The following XKR9 variants were observed in gnomAD, a reference collection of about 807,000 sequenced individuals.
XKR9 encodes the protein XK related 9.
XKR9 carries 32 observed loss-of-function variants against 32.0 expected under a neutral mutation model. The ratio of observed to expected loss-of-function variants is 1.00; its 90% CI spans 0.76 to 1.34. The LOEUF is 1.34. XKR9 is among the 40% of genes most tolerant of loss of function. The probability of loss-of-function intolerance (pLI) is 0.00; values close to 1 mark genes in which losing one functional copy is unlikely to be tolerated. For missense variants in XKR9, 546 were observed against 429.7 expected (o/e 1.27, Z -2.39); for synonymous variants, 168 against 143.4 (o/e 1.17, Z -1.22).
the XKR9 span, among the ~76,000 whole-genome samples, chr8:70,801,437 G>T: frequency 6.6e-6 from 1 of 152,182 alleles, no homozygotes; most frequent in Non-Finnish European, 1.5e-5. Flanking sequence ...AGTCATTCAG[G>T]AGCAGGTTGT....
chr8:70,799,917 A>G, the XKR9 span, among the ~76,000 whole-genome samples: 3 of 152,166 alleles, frequency 2.0e-5, no homozygotes, highest in East Asian at 3.9e-4. Context: ...GAGTGGTGAA[A>G]GAGGACATCC....
the XKR9 span, among the ~76,000 whole-genome samples, chr8:70,814,332 A>G: frequency 6.6e-6 from 1 of 152,104 alleles, no homozygotes; most frequent in African/African-American, 2.4e-5. Context: ...TAGGAGATAT[A>G]CCTAATGCTA....
At chr8:71,057,498 T>C in the XKR9 span, among the ~76,000 whole-genome samples, 1 of 152,200 alleles carries the variant, frequency 6.6e-6, no homozygotes, top group Non-Finnish European at 1.5e-5. Flanking sequence ...TTGTAGTACT[T>C]TGTTTTTTCA....
the XKR9 span, among the ~76,000 whole-genome samples, chr8:70,866,866 A>G: frequency 6.6e-6 from 1 of 152,204 alleles, no homozygotes; most frequent in Non-Finnish European, 1.5e-5. Context: ...CACTTTTCAT[A>G]AATTATTTTT....
At chr8:70,808,860 C>T in the XKR9 span, among the ~76,000 whole-genome samples, 2 of 152,240 alleles carry the variant, frequency 1.3e-5, no homozygotes, top group African/African-American at 4.8e-5. Context: ...GTAGACTCCA[C>T]CACTGGGGGC....
downstream of XKR9, among the ~76,000 whole-genome samples, chr8:70,736,295 GC>G (rs1806860882): frequency 1.4e-5 from 2 of 147,714 alleles, no homozygotes; most frequent in Non-Finnish European, 3.0e-5. Context: ...CATGTCCTTC[GC>G]CCACTTTTTG....
chr8:71,013,598 A>G, the XKR9 span, among the ~76,000 whole-genome samples: 1 of 152,184 alleles, frequency 6.6e-6, no homozygotes, highest in Admixed American at 6.5e-5. Context: ...GACCAGCAAA[A>G]TTAATTGGCA....
chr8:70,746,023 A>G (rs1807054045), intron 2 of XKR9, among the ~76,000 whole-genome samples: 1 of 152,118 alleles, frequency 6.6e-6, no homozygotes, highest in African/African-American at 2.4e-5. Context: ...AAGAGGCTAT[A>G]TTTTGATATT....
intron 3 of XKR9, among the ~76,000 whole-genome samples, chr8:70,692,666 C>T (rs1425363300): frequency 1.3e-5 from 2 of 152,086 alleles, no homozygotes; most frequent in Admixed American, 1.3e-4. Context: ...GCAACCTCCA[C>T]CTCCCAGGTT....
At chr8:71,050,977 A>G in the XKR9 span, among the ~76,000 whole-genome samples, 4 of 152,282 alleles carry the variant, frequency 2.6e-5, no homozygotes, top group Admixed American at 2.0e-4. Context: ...AGACAATGAT[A>G]GGGAAGAACT....
chr8:70,706,884 G>T, intron 3 of XKR9, 49 bp from the exon 4 acceptor site: 1 of 1,456,240 alleles, frequency 6.9e-7, no homozygotes, highest in Non-Finnish European at 9.4e-7. Context: ...TAACAGACAT[G>T]TTACAAAGAA....
At chr8:70,951,997 A>G in the XKR9 span, among the ~76,000 whole-genome samples, 33 of 152,158 alleles carry the variant, frequency 2.2e-4, no homozygotes, top group Admixed American at 6.5e-5. Context: ...AAGACTTTCA[A>G]GAGCTAGACT....
the XKR9 span, among the ~76,000 whole-genome samples, chr8:70,801,853 G>T: frequency 6.6e-6 from 1 of 151,934 alleles, no homozygotes; most frequent in South Asian, 2.1e-4. Context: ...CTTGTGCTGG[G>T]TGCATATATA....
intron 4 of XKR9, among the ~76,000 whole-genome samples, chr8:70,713,045 A>G (rs1563441790): frequency 6.6e-6 from 1 of 152,184 alleles, no homozygotes; most frequent in African/African-American, 2.4e-5. Context: ...TTATGTTTAA[A>G]GAACTAAAAG....
At chr8:70,760,163 G>T (rs1296197731) in intron 2 of XKR9, among the ~76,000 whole-genome samples, 1 of 152,172 alleles carries the variant, frequency 6.6e-6, no homozygotes, top group East Asian at 1.9e-4. Flanking sequence ...TTCAAATTCT[G>T]TTAGGACAAC....
the XKR9 span, among the ~76,000 whole-genome samples, chr8:70,815,170 A>T: frequency 1.3e-5 from 2 of 152,092 alleles, no homozygotes; most frequent in African/African-American, 2.4e-5. Flanking sequence ...TTTATTTTTA[A>T]TTTTTTTAAC....
intron 1 of XKR9, among the ~76,000 whole-genome samples, chr8:70,672,195 T>C (rs1173445832): frequency 1.5e-5 from 1 of 68,194 alleles, no homozygotes; most frequent in Non-Finnish European, 3.9e-5. Flanking sequence ...CCAATGACTT[T>C]CTTCACAGAA....
the XKR9 span, among the ~76,000 whole-genome samples, chr8:70,807,651 A>G: frequency 6.6e-6 from 1 of 152,094 alleles, no homozygotes; most frequent in African/African-American, 2.4e-5. Flanking sequence ...CAACAAAGAT[A>G]AAAAAAGACA....
the XKR9 span, among the ~76,000 whole-genome samples, chr8:71,011,600 C>T: frequency 6.6e-6 from 1 of 152,160 alleles, no homozygotes; most frequent in African/African-American, 2.4e-5. Context: ...AAGTACTGAA[C>T]CTGGTATTCA....
Sources: allele counts gnomAD v4.1 joint callset (sites outside exome capture counted in the v4.1 genomes callset), GRCh38; gene constraint gnomAD v4.1.1; transcripts MANE v1.5; gene names NCBI Gene and HGNC (gene_info 2026-07-23, HGNC 2026-07-21).